RDX: variants seen among roughly 807,000 people sequenced by gnomAD.
RDX encodes deafness, autosomal recessive 24.
In RDX, 32 loss-of-function variants were observed where a neutral mutation model predicts 83.7. The ratio of observed to expected loss-of-function variants is 0.38; its 90% CI spans 0.29 to 0.51. RDX has a LOEUF of 0.51. RDX is among the 20% of genes least tolerant of loss of function. The probability of loss-of-function intolerance (pLI) is 0.87; values close to 1 mark genes in which losing one functional copy is unlikely to be tolerated. For missense variants in RDX, 600 were observed against 689.9 expected (o/e 0.87, Z 1.46); for synonymous variants, 229 against 222.7 (o/e 1.03, Z -0.25).
intron 1 of RDX, among the ~76,000 whole-genome samples, chr11:110,287,680 T>C (rs1861042287): frequency 6.6e-6 from 1 of 152,088 alleles, no homozygotes; most frequent in Non-Finnish European, 1.5e-5. Flanking sequence ...GCAAGAAGGG[T>C]AGTGAATACA....
rs534171128 is a variant in RDX at position 110,209,077 on chromosome 11, C to T, written c.1749-9399G>A. Among the ~76,000 whole-genome samples, 16 of 152,316 alleles carry T rather than the reference C, an allele frequency of 1.1e-4. No individual in the cohort carries two copies. In the East Asian group the frequency reaches 3.1e-3, roughly 29 times the overall value. On this transcript the variant is annotated intron_variant, in intron 14 of 15. Coordinates refer to the RDX transcript ENST00000528498. ...ATTTCTGCATTTCCATCTGAGGTAC[C>T]GGGTTCATCTCACTAGGGAGTGCCA... is the stretch of plus-strand genomic sequence containing the variant.
chr11:110,243,633 G>C (rs947422332), intron 10 of RDX, among the ~76,000 whole-genome samples: 1 of 151,946 alleles, frequency 6.6e-6, no homozygotes, highest in African/African-American at 2.4e-5. Flanking sequence ...TATGAGAATC[G>C]CTTGAAGCTC....
intron 3 of RDX, among the ~76,000 whole-genome samples, chr11:110,267,721 T>C (rs1026773963): frequency 2.6e-5 from 4 of 151,826 alleles, no homozygotes; most frequent in Non-Finnish European, 4.4e-5. Flanking sequence ...CCCAACACTT[T>C]AGGAGGCCAA....
At chr11:110,197,897 G>A (rs889613060) in intron 15 of RDX, among the ~76,000 whole-genome samples, 16 of 152,190 alleles carry the variant, frequency 1.1e-4, no homozygotes, top group South Asian at 4.1e-4. Flanking sequence ...TGGATGTGTC[G>A]TAGCATTTCA....
chr11:110,279,715 T>G lies in RDX; in HGVS notation c.-23A>C. On this transcript the variant is annotated 5_prime_UTR_variant, in exon 2 of 14. Transcript: ENST00000645495. ...CATTTTCTTTCTCTTTTTGTTACCT[T>G]CTTTAAAAATTCTCCACTTCAATGA... The G allele has an allele frequency of 6.7e-7, 1 of 1,500,342 alleles. No homozygotes were observed. The highest frequency in any genetic ancestry group is 9.3e-7 in the Non-Finnish European group (1 of 1,080,030). The allele number at this position is 1,500,342 out of a possible 1,614,324, so 92.9% of individuals were successfully genotyped here. A position where few individuals can be genotyped will look rare whatever the true frequency, so the allele number is the denominator to read the frequency against.
At chr11:110,184,797 A>T (rs1382996362) in intron 15 of RDX, among the ~76,000 whole-genome samples, 1 of 152,220 alleles carries the variant, frequency 6.6e-6, no homozygotes, top group Non-Finnish European at 1.5e-5. Flanking sequence ...GCGTTTGTGG[A>T]GTAAAAGAAA....
At chr11:110,258,010 TCAAA>T in intron 6 of RDX, 92 bp downstream of exon 6, 3 of 1,478,812 alleles carry the variant, frequency 2.0e-6, no homozygotes, top group Admixed American at 1.7e-5. Flanking sequence ...TTTACATAAG[TCAAA>T]CAATCTTTTG....
At chr11:110,181,243 A>G (rs1862880841) in intron 15 of RDX, among the ~76,000 whole-genome samples, 1 of 149,948 alleles carries the variant, frequency 6.7e-6, no homozygotes, top group African/African-American at 2.5e-5. Context: ...ACTCACTACA[A>G]CCTCCGCCTC....
intron 14 of RDX, among the ~76,000 whole-genome samples, chr11:110,208,649 T>C (rs1863692319): frequency 6.6e-6 from 1 of 152,182 alleles, no homozygotes; most frequent in Non-Finnish European, 1.5e-5. Flanking sequence ...TCTAGGGCTT[T>C]AACAATCATT....
At chr11:110,188,785 T>C (rs1387209267) in intron 15 of RDX, among the ~76,000 whole-genome samples, 1 of 152,150 alleles carries the variant, frequency 6.6e-6, no homozygotes, top group Non-Finnish European at 1.5e-5. Flanking sequence ...ACCTCTTTTA[T>C]AGACAAGCAA....
chr11:110,233,670 C>T, intron 12 of RDX, 191 bp from the exon 13 acceptor site: 2 of 633,302 alleles, frequency 3.2e-6, no homozygotes, highest in Non-Finnish European at 5.4e-6. Context: ...TTATGCAAAC[C>T]CTATTAGAAT....
At chr11:110,215,582 G>C (rs1186383157) in intron 14 of RDX, among the ~76,000 whole-genome samples, 6 of 152,096 alleles carry the variant, frequency 3.9e-5, no homozygotes, top group Non-Finnish European at 7.4e-5. Context: ...TGGTGGGTTT[G>C]ATCAGGTCAC....
chr11:110,204,324 T>G (rs760819641), intron 14 of RDX, among the ~76,000 whole-genome samples: 10 of 150,798 alleles, frequency 6.6e-5, no homozygotes, highest in Non-Finnish European at 1.3e-4. Context: ...CAAATGTAAC[T>G]CTGAAAATGA....
downstream of RDX, among the ~76,000 whole-genome samples, chr11:110,225,929 G>A (rs1864417503): frequency 6.6e-6 from 1 of 151,898 alleles, no homozygotes; most frequent in African/African-American, 2.4e-5. Context: ...AGCAGGGCAT[G>A]GTGATGCATG....
downstream of RDX, among the ~76,000 whole-genome samples, chr11:110,228,705 TA>T (rs985790436): frequency 5.6e-4 from 84 of 151,094 alleles, 1 homozygote; most frequent in Middle Eastern, 0.01. Flanking sequence ...AGTGGGATTT[TA>T]AAAAAAAACA....
chr11:110,205,431 C>CAAAAAAAAAAAAA (rs35103862), intron 14 of RDX, among the ~76,000 whole-genome samples: 1 of 47,058 alleles, frequency 2.1e-5, no homozygotes. Context: ...TTTACCTATC[C>CAAAAAAAAAAAAA]AAAAAAAAAA....
At chr11:110,189,271 C>CAA (rs1863058810) in intron 15 of RDX, among the ~76,000 whole-genome samples, 1 of 72,420 alleles carries the variant, frequency 1.4e-5, no homozygotes, top group African/African-American at 4.7e-5. Context: ...AAAAAAAAGA[C>CAA]AAGGGCATTA....
At position 110,274,659 on chromosome 11, in the gene RDX, T is replaced by G. The variant is rs548270571; in HGVS notation, c.13-2040A>C. ...GTTACTACACACTTCTCATATATTC[T>G]GTTTGGTATGTATATTCTACTTCAA... On this transcript the variant is annotated intron_variant, in intron 2 of 13. Coordinates refer to ENST00000645495, the MANE Select transcript of RDX (RefSeq NM_002906.4). Among the ~76,000 whole-genome samples the G allele has an allele frequency of 2.7e-4, 41 of 152,302 alleles. No individual in the cohort carries two copies. The East Asian group carries it at 7.7e-3, about 29-fold the overall frequency.
chr11:110,244,098 C>T (rs752496906), intron 10 of RDX, among the ~76,000 whole-genome samples: 10 of 151,886 alleles, frequency 6.6e-5, no homozygotes, highest in Non-Finnish European at 8.8e-5. Flanking sequence ...ATAGTGGAAA[C>T]AATAAAAAAC....
Sources: gnomAD v4.1 joint callset for allele counts (sites outside exome capture counted in the v4.1 genomes callset) on GRCh38, gnomAD v4.1.1 for gene constraint, MANE v1.5 for transcripts, NCBI Gene and HGNC (gene_info 2026-07-23, HGNC 2026-07-21) for gene names.